ANO3: variants seen among roughly 807,000 people sequenced by gnomAD.
ANO3 encodes anoctamin 3, also known as anoctamin-3.
In ANO3, 99 loss-of-function variants were observed where a neutral mutation model predicts 144.8. That is an observed-to-expected ratio of 0.68 (90% CI 0.58 to 0.81). The LOEUF is 0.81. Among genes scored for constraint, ANO3 ranks in the 30% least tolerant of loss-of-function variants. The pLI is 0.00. For missense variants in ANO3, 905 were observed against 1,202.2 expected (o/e 0.75, Z 3.66); for synonymous variants, 414 against 392.6 (o/e 1.05, Z -0.64).
chr11:26,614,165 G>A (rs747729658), intron 17 of ANO3, among the ~76,000 whole-genome samples: 8 of 152,184 alleles, frequency 5.3e-5, no homozygotes, highest in Non-Finnish European at 7.4e-5. Context: ...GCAGGTTGAA[G>A]CAGTTGTTTC....
At chr11:26,472,653 G>T (rs558546582) in intron 4 of ANO3, among the ~76,000 whole-genome samples, 6 of 151,860 alleles carry the variant, frequency 4.0e-5, no homozygotes, top group Non-Finnish European at 2.9e-5. Context: ...CATGAATATT[G>T]TGGGTTTTTT....
chr11:26,458,285 C>A (rs1859243778), intron 3 of ANO3, among the ~76,000 whole-genome samples: 1 of 152,066 alleles, frequency 6.6e-6, no homozygotes, highest in Admixed American at 6.6e-5. Context: ...GCTTCATTAA[C>A]CAAAATGCAA....
chr11:26,544,560 A>T (rs1849738684), intron 11 of ANO3, among the ~76,000 whole-genome samples: 2 of 142,658 alleles, frequency 1.4e-5, no homozygotes, highest in South Asian at 4.6e-4. Context: ...AATGTATTTT[A>T]TGCTTGAAAA....
intron 1 of ANO3, among the ~76,000 whole-genome samples, chr11:26,225,305 TTATAAA>T (rs112418688): frequency 0.018 from 2,726 of 152,160 alleles, 27 homozygotes; most frequent in African/African-American, 0.028. Flanking sequence ...TAATACAAGA[TTATAAA>T]TATAATATTA....
intron 4 of ANO3, among the ~76,000 whole-genome samples, chr11:26,471,441 C>A (rs1309828617): frequency 6.6e-6 from 1 of 151,904 alleles, no homozygotes; most frequent in Non-Finnish European, 1.5e-5. Context: ...TAAACCTCAA[C>A]AAAAGTAGTC....
At chr11:26,538,882 G>T (rs899999838) in intron 10 of ANO3, among the ~76,000 whole-genome samples, 1 of 152,090 alleles carries the variant, frequency 6.6e-6, no homozygotes, top group Non-Finnish European at 1.5e-5. Flanking sequence ...GCTACTTGAG[G>T]TAAGAAAAAT....
intron 1 of ANO3, among the ~76,000 whole-genome samples, chr11:26,333,727 G>T (rs1220933549): frequency 6.6e-6 from 1 of 152,200 alleles, no homozygotes; most frequent in Non-Finnish European, 1.5e-5. Flanking sequence ...AGTTCTCTAG[G>T]ATGTTTCAAA....
At chr11:26,390,943 A>C (rs12279910) in intron 1 of ANO3, among the ~76,000 whole-genome samples, 40,390 of 151,984 alleles carry the variant, frequency 0.27, 6,019 homozygotes, top group African/African-American at 0.4. Flanking sequence ...TAATATGTAC[A>C]TTTTAGGGTA....
chr11:26,330,344 T>C (rs1855005502), upstream of ANO3, among the ~76,000 whole-genome samples: 1 of 152,156 alleles, frequency 6.6e-6, no homozygotes, highest in South Asian at 2.1e-4. Context: ...ATACAATATC[T>C]GTATTAAAAG....
chr11:26,323,894 A>G (rs1191337827), intron 1 of ANO3, among the ~76,000 whole-genome samples: 1 of 152,160 alleles, frequency 6.6e-6, no homozygotes, highest in Non-Finnish European at 1.5e-5. Flanking sequence ...TCTCCATCTT[A>G]CCAGCTCTGT....
At chr11:26,221,182 C>A (rs1388045702) in intron 1 of ANO3, among the ~76,000 whole-genome samples, 1 of 152,192 alleles carries the variant, frequency 6.6e-6, no homozygotes, top group Non-Finnish European at 1.5e-5. Flanking sequence ...GACTAACCCA[C>A]TAAGATTTTG....
intron 14 of ANO3, among the ~76,000 whole-genome samples, chr11:26,564,107 GCTAA>G (rs1249558623): frequency 3.3e-5 from 5 of 151,718 alleles, no homozygotes; most frequent in Middle Eastern, 3.4e-3. Flanking sequence ...AGAGAAGTAA[GCTAA>G]CTAAATTTTT....
At chr11:26,216,376 CA>C (rs2133788002) in intron 1 of ANO3, among the ~76,000 whole-genome samples, 1 of 152,064 alleles carries the variant, frequency 6.6e-6, no homozygotes, top group East Asian at 1.9e-4. Context: ...ATAATTTTTC[CA>C]TTTAGAGAAT....
rs571345518 is a variant in ANO3, at chr11:26,385,068, A to T, written c.46+52747A>T. Among the ~76,000 whole-genome samples the T allele has an allele frequency of 1.6e-3, 245 of 152,290 alleles. 2 individuals are homozygous for T. The highest frequency in any genetic ancestry group is 2.6e-3 in the Non-Finnish European group (176 of 68,022). On this transcript the variant is annotated intron_variant, in intron 1 of 26. Transcript: ENST00000256737. ...TTCTTCAAAATTTTTCTCACATGGT[A>T]TTAATATTCTTAGTGTAAAGTTATA...
intron 17 of ANO3, among the ~76,000 whole-genome samples, chr11:26,604,825 C>T (rs530627561): frequency 1.3e-5 from 2 of 152,076 alleles, no homozygotes; most frequent in Non-Finnish European, 2.9e-5. Flanking sequence ...GCTGAGACAA[C>T]GAGGTTTTCT....
intron 1 of ANO3, among the ~76,000 whole-genome samples, chr11:26,317,479 A>T (rs1237803888): frequency 6.6e-6 from 1 of 152,208 alleles, no homozygotes; most frequent in African/African-American, 2.4e-5. Flanking sequence ...TCAAAAGAAG[A>T]CATTTATGCG....
intron 1 of ANO3, among the ~76,000 whole-genome samples, chr11:26,286,730 A>C (rs900999627): frequency 7.9e-5 from 12 of 152,180 alleles, no homozygotes; most frequent in African/African-American, 2.9e-4. Flanking sequence ...TTTGGTCTCC[A>C]TACAAGATAG....
In ANO3 at chr11:26,462,530, CCT is replaced by C. The variant is rs1244695376; in HGVS notation, c.314-499_314-498del. Among the ~76,000 whole-genome samples, 5 of 151,798 alleles carry C rather than the reference CCT, an allele frequency of 3.3e-5. No individual in the cohort carries two copies. The East Asian group carries it at 7.8e-4, about 24-fold the overall frequency. On this transcript the variant is annotated intron_variant, in intron 3 of 26. Transcript: ENST00000256737. ...TCTTTCCTGACAGTTGTTTCAATCCCCTGATTTTATGTTTCTTGTAATGTTTA... is the reference window on the plus strand; with the variant it reads ...TCTTTCCTGACAGTTGTTTCAATCCCGATTTTATGTTTCTTGTAATGTTTA...
At chr11:26,403,537 T>C (rs1328733507) in intron 1 of ANO3, among the ~76,000 whole-genome samples, 1 of 151,902 alleles carries the variant, frequency 6.6e-6, no homozygotes, top group African/African-American at 2.4e-5. Flanking sequence ...TGATTTCCTC[T>C]AGCCCGGACT....
Sources: gnomAD v4.1 joint callset for allele counts (sites outside exome capture counted in the v4.1 genomes callset) on GRCh38, gnomAD v4.1.1 for gene constraint, MANE v1.5 for transcripts, NCBI Gene and HGNC (gene_info 2026-07-23, HGNC 2026-07-21) for gene names.